DIP2A: variants seen among roughly 807,000 people sequenced by gnomAD.
DIP2A encodes the protein disco-interacting protein 2 homolog A.
DIP2A carries 85 observed loss-of-function variants against 177.4 expected under a neutral mutation model. That is an observed-to-expected ratio of 0.48 (90% CI 0.40 to 0.57). The LOEUF (loss-of-function observed/expected upper bound fraction) is 0.57, where lower values mean the gene tolerates loss of function less well. Ranked by LOEUF, DIP2A falls within the 20% of genes least tolerant of loss-of-function variation. The pLI is 0.00. For missense variants in DIP2A, 1,791 were observed against 2,100.2 expected (o/e 0.85, Z 2.88); for synonymous variants, 886 against 881.8 (o/e 1.00, Z -0.08).
rs747185598 is a variant in DIP2A, at chr21:46,560,753, A to G, written c.4001A>G (p.Tyr1334Cys). ...GCTGGCCCGGACCCCACAACCGTCT[A>G]CGTGGACATGCGGGCACTGCGCCAT... ...GTAGPDPTTV[Y>C]VDMRALRHDR... The change falls in exon 33 of 38, where the codon TAC becomes TGC. Residue 1334 changes from tyrosine (Y) to cysteine (C), a missense_variant. Tyr to Cys is a radical substitution (Grantham distance 194). Transcript: ENST00000417564. 3 of 1,609,482 alleles carry G rather than the reference A, an allele frequency of 1.9e-6. No homozygotes were observed. The highest frequency in any genetic ancestry group is 2.5e-6 in the Non-Finnish European group (3 of 1,178,224).
At chr21:46,467,018 C>T (rs1317998715) in intron 1 of DIP2A, among the ~76,000 whole-genome samples, 13 of 151,828 alleles carry the variant, frequency 8.6e-5, no homozygotes, top group Non-Finnish European at 1.3e-4. Context: ...TGAGTTAGGC[C>T]GGGCGCGGTG....
At chr21:46,468,597 A>T (rs903365780) in intron 1 of DIP2A, among the ~76,000 whole-genome samples, 5 of 152,134 alleles carry the variant, frequency 3.3e-5, no homozygotes, top group African/African-American at 1.2e-4. Flanking sequence ...GTTATACAGG[A>T]TGAGTAACTG....
chr21:46,566,005 G>T, intron 36 of DIP2A, 118 bp downstream of exon 36: 3 of 1,194,260 alleles, frequency 2.5e-6, no homozygotes, highest in Non-Finnish European at 1.2e-6. Context: ...ATTGCTCCTT[G>T]TGGGGGGAAG....
At chr21:46,576,349 C>T in the DIP2A span, among the ~76,000 whole-genome samples, 1 of 152,110 alleles carries the variant, frequency 6.6e-6, no homozygotes, top group Non-Finnish European at 1.5e-5. Flanking sequence ...TGTTCAGCTC[C>T]CACTTATAAG....
At chr21:46,503,945 C>T (rs1231983948) in intron 5 of DIP2A, among the ~76,000 whole-genome samples, 2 of 152,172 alleles carry the variant, frequency 1.3e-5, no homozygotes, top group African/African-American at 4.8e-5. Context: ...AGGCTGGTCT[C>T]GAACCCCTGA....
chr21:46,512,834 T>G (rs936737059), intron 8 of DIP2A, among the ~76,000 whole-genome samples: 1 of 151,758 alleles, frequency 6.6e-6, no homozygotes, highest in Non-Finnish European at 1.5e-5. Flanking sequence ...AAAAAACTTT[T>G]TTTTTGTAGA....
In DIP2A at chr21:46,563,409, G is replaced by GC. The variant is rs1034826309; in HGVS notation, c.4090-447dup. ...TCTTGCCGTCCTGAATTGGCACAGA[G>GC]CCAGTGCTCAGTGGTTGGACTGACT... On this transcript the variant is annotated intron_variant, in intron 34 of 37. Transcript: ENST00000417564. The surrounding 1 kb of genome is among the most constrained non-coding windows in gnomAD (Gnocchi z 4.3). 1.3e-5 allele frequency among the ~76,000 whole-genome samples: 2 copies of GC among 152,240 alleles called. No individual in the cohort carries two copies. The highest frequency in any genetic ancestry group is 4.8e-5 in the African/African-American group (2 of 41,468).
chr21:46,459,307 G>A (rs1440658920), intron 1 of DIP2A, 85 bp downstream of exon 1: 12 of 1,202,026 alleles, frequency 1.0e-5, no homozygotes, highest in Admixed American at 3.0e-5. Flanking sequence ...CCCCCGCGCG[G>A]CCCCTCACTC....
At position 46,549,809 on chromosome 21, in the gene DIP2A, G is replaced by T; in HGVS notation, c.2561G>T (p.Arg854Leu). Residue 854 changes from arginine (R) to leucine (L), a missense_variant, in exon 22 of 38, where the codon CGG becomes CTG. Arg to Leu is a moderately radical substitution (Grantham distance 102). Transcript: ENST00000417564. ...VFSVTVLHDD[R>L]IVLVAEQRPD... ...TCTGTGACCGTGCTGCACGACGACC[G>T]GATTGTCCTGGTGGCTGAGCAGCGG... 6.2e-7 allele frequency: 1 copy of T among 1,613,650 alleles called. No homozygotes were observed. Among genetic ancestry groups the T allele is most frequent in the Non-Finnish European group, 8.5e-7 (1 of 1,180,020 alleles).
intron 8 of DIP2A, among the ~76,000 whole-genome samples, chr21:46,527,416 C>A (rs2059147626): frequency 1.3e-5 from 2 of 150,556 alleles, no homozygotes. Context: ...ACCTCTGCCT[C>A]CTGGGTTCAA....
intron 1 of DIP2A, among the ~76,000 whole-genome samples, chr21:46,465,258 A>G (rs1261626013): frequency 1.3e-5 from 2 of 152,006 alleles, no homozygotes; most frequent in Non-Finnish European, 2.9e-5. Context: ...ATCCTAGGTA[A>G]TATTTCAGCT....
chr21:46,579,902 G>T, the DIP2A span, among the ~76,000 whole-genome samples: 1 of 152,186 alleles, frequency 6.6e-6, no homozygotes. Context: ...GTGCCATGTG[G>T]TGCCAAGAAG....
At chr21:46,486,070 C>CAAAAAA (rs1174271396) in intron 2 of DIP2A, among the ~76,000 whole-genome samples, 1 of 60,032 alleles carries the variant, frequency 1.7e-5, no homozygotes. Flanking sequence ...GACTTCATCT[C>CAAAAAA]AAAAAAAAAA....
intron 6 of DIP2A, among the ~76,000 whole-genome samples, chr21:46,505,477 C>A (rs913937555): frequency 6.6e-6 from 1 of 152,124 alleles, no homozygotes; most frequent in South Asian, 2.1e-4. Context: ...AGTGTGGTGG[C>A]GGGCGTCTAT....
At position 46,569,502 on chromosome 21, in the gene DIP2A, C is replaced by T. The variant is rs551845143; in HGVS notation, c.*1880C>T. ...GGGAAAGAAAAAAAAAAAAAAACTA[C>T]CTAACTCCAATCTTAATGTTGTAGT... On this transcript the variant is annotated 3_prime_UTR_variant, in exon 38 of 38. Coordinates refer to ENST00000417564, the MANE Select transcript of DIP2A (RefSeq NM_015151.4). The T allele has an allele frequency of 6.6e-6, 1 of 150,992 alleles. No individual in the cohort carries two copies. The highest frequency in any genetic ancestry group is 2.4e-5 in the African/African-American group (1 of 41,100). The allele number at this position is 150,992 out of a possible 1,614,324, so 9.4% of individuals were successfully genotyped here. A position where few individuals can be genotyped will look rare whatever the true frequency, so the allele number is the denominator to read the frequency against.
chr21:46,548,516 T>C (rs139033386), intron 21 of DIP2A, among the ~76,000 whole-genome samples: 1 of 152,236 alleles, frequency 6.6e-6, no homozygotes, highest in East Asian at 1.9e-4. Flanking sequence ...AATAGAAGAT[T>C]TGCAACATGA....
intron 2 of DIP2A, among the ~76,000 whole-genome samples, chr21:46,488,894 G>A (rs935358177): frequency 5.9e-5 from 9 of 152,182 alleles, no homozygotes; most frequent in Non-Finnish European, 1.2e-4. Flanking sequence ...TGCATATTTT[G>A]GAATACAAGT....
At chr21:46,474,500 C>T (rs1007603813) in intron 1 of DIP2A, among the ~76,000 whole-genome samples, 2 of 152,182 alleles carry the variant, frequency 1.3e-5, no homozygotes, top group African/African-American at 4.8e-5. Flanking sequence ...GGAGACAGAA[C>T]ATGTGTGGGC....
intron 1 of DIP2A, among the ~76,000 whole-genome samples, chr21:46,478,521 A>G (rs1490574521): frequency 6.6e-6 from 1 of 152,204 alleles, no homozygotes; most frequent in African/African-American, 2.4e-5. Context: ...AAAACTTTCA[A>G]GAATTACTCA....
Sources: allele counts gnomAD v4.1 joint callset (sites outside exome capture counted in the v4.1 genomes callset), GRCh38; gene constraint gnomAD v4.1.1; non-coding constraint Gnocchi (gnomAD v3.1); transcripts MANE v1.5; gene names NCBI Gene and HGNC (gene_info 2026-07-23, HGNC 2026-07-21).